Variants in SLC4A10 observed in about 807,000 individuals in gnomAD.
SLC4A10 encodes sodium-driven chloride bicarbonate exchanger.
Under a neutral mutation model 137.7 loss-of-function variants are expected in SLC4A10, and 42 were observed. The ratio of observed to expected loss-of-function variants is 0.30; its 90% CI spans 0.24 to 0.39. SLC4A10 has a LOEUF of 0.39. Among genes scored for constraint, SLC4A10 ranks in the 10% least tolerant of loss-of-function variants. The probability of loss-of-function intolerance (pLI) is 1.00; values close to 1 mark genes in which losing one functional copy is unlikely to be tolerated. For missense variants in SLC4A10, 925 were observed against 1,355.0 expected (o/e 0.68, Z 4.98); for synonymous variants, 474 against 464.1 (o/e 1.02, Z -0.27).
At chr2:161,683,579 T>A (rs1351942071) in intron 1 of SLC4A10, among the ~76,000 whole-genome samples, 1 of 152,174 alleles carries the variant, frequency 6.6e-6, no homozygotes, top group African/African-American at 2.4e-5. Context: ...TGTTCTTTTG[T>A]TGGTTGGTTG....
intron 1 of SLC4A10, among the ~76,000 whole-genome samples, chr2:161,660,615 T>TCTTTCTTC (rs1491570843): frequency 2.1e-5 from 3 of 145,476 alleles, no homozygotes; most frequent in Admixed American, 7.0e-5. Context: ...TTTCTTTCTT[T>TCTTTCTTC]CTTTCTTTCT....
At chr2:161,741,534 T>C (rs1211163612) in intron 1 of SLC4A10, among the ~76,000 whole-genome samples, 2 of 152,188 alleles carry the variant, frequency 1.3e-5, no homozygotes, top group Non-Finnish European at 2.9e-5. Context: ...ATGCTGTTTC[T>C]GTGAGTTTGA....
chr2:161,644,613 G>A (rs2035776415), intron 1 of SLC4A10, among the ~76,000 whole-genome samples: 2 of 152,128 alleles, frequency 1.3e-5, no homozygotes, highest in African/African-American at 4.8e-5. Flanking sequence ...GTAAATATTT[G>A]ATTATGTACA....
chr2:161,966,158 G>T (rs745322156), intron 23 of SLC4A10, among the ~76,000 whole-genome samples: 1 of 152,112 alleles, frequency 6.6e-6, no homozygotes, highest in Non-Finnish European at 1.5e-5. Flanking sequence ...TAAATCAAAT[G>T]AGGTTTTTTC....
intron 2 of SLC4A10, among the ~76,000 whole-genome samples, chr2:161,789,580 G>T (rs1437230777): frequency 6.6e-6 from 1 of 151,862 alleles, no homozygotes; most frequent in Non-Finnish European, 1.5e-5. Context: ...ATGTTACAAA[G>T]GCTACTATAT....
intron 1 of SLC4A10, among the ~76,000 whole-genome samples, chr2:161,757,668 T>C (rs2125338630): frequency 6.6e-6 from 1 of 152,262 alleles, no homozygotes; most frequent in African/African-American, 2.4e-5. Flanking sequence ...TTTCAGAGCT[T>C]TTCTTACTAC....
intron 1 of SLC4A10, among the ~76,000 whole-genome samples, chr2:161,644,527 A>T (rs1416071149): frequency 6.6e-6 from 1 of 152,064 alleles, no homozygotes; most frequent in African/African-American, 2.4e-5. Flanking sequence ...ATTGCTTCAC[A>T]TCGTGGTGAA....
In SLC4A10 at chr2:161,704,048, A is replaced by T. The variant is rs1459532856; in HGVS notation, c.49-66925A>T. The stretch of plus-strand genomic sequence containing the variant: ...GTAAATGTGAAAATATGGTAGTTTC[A>T]TCACTTCTCAAAAAAAGAGAAGTAG... On this transcript the variant is annotated intron_variant, in intron 1 of 26. Coordinates refer to ENST00000446997, the MANE Select transcript of SLC4A10 (RefSeq NM_001178015.2). Among the ~76,000 whole-genome samples the T allele has an allele frequency of 7.3e-5, 11 of 151,668 alleles. No individual in the cohort carries two copies. In the Admixed American group the frequency reaches 7.3e-4, roughly 10 times the overall value.
At chr2:161,881,673 A>T (rs2061792622) in intron 9 of SLC4A10, among the ~76,000 whole-genome samples, 1 of 152,060 alleles carries the variant, frequency 6.6e-6, no homozygotes, top group Non-Finnish European at 1.5e-5. Flanking sequence ...AGACAGGGCA[A>T]TTACCAGTCT....
In SLC4A10 at chr2:161,761,511, A is replaced by G. The variant is rs1319770678; in HGVS notation, c.49-9462A>G. 2.0e-5 allele frequency among the ~76,000 whole-genome samples: 3 copies of G among 152,078 alleles called. No homozygotes were observed. In the East Asian group the frequency reaches 5.8e-4, roughly 29 times the overall value. On this transcript the variant is annotated intron_variant, in intron 1 of 26. Coordinates refer to ENST00000446997, the MANE Select transcript of SLC4A10 (RefSeq NM_001178015.2). ...TGGGTACAAAATTGGATTCATAGGCAGAATGGAGGCTCCAGAAGGACCCTC... is the reference window on the plus strand; with the variant it reads ...TGGGTACAAAATTGGATTCATAGGCGGAATGGAGGCTCCAGAAGGACCCTC...
chr2:161,854,929 C>A, intron 4 of SLC4A10, 41 bp from the exon 5 acceptor site: 1 of 1,541,826 alleles, frequency 6.5e-7, no homozygotes, highest in Non-Finnish European at 8.8e-7. Context: ...CATTAACCTA[C>A]AATATAATAT....
chr2:161,954,089 G>A (rs1031033181), intron 19 of SLC4A10, among the ~76,000 whole-genome samples: 30 of 152,134 alleles, frequency 2.0e-4, no homozygotes, highest in Non-Finnish European at 2.8e-4. Flanking sequence ...TTAATAAACA[G>A]CAATACAATC....
intron 15 of SLC4A10, among the ~76,000 whole-genome samples, chr2:161,927,974 G>T (rs62188858): frequency 0.065 from 9,833 of 150,264 alleles, 333 homozygotes; most frequent in East Asian, 0.13. Context: ...CGATTCCTCA[G>T]GGATCTAGAA....
intron 1 of SLC4A10, among the ~76,000 whole-genome samples, chr2:161,661,067 A>C (rs536574742): frequency 1.3e-5 from 2 of 152,282 alleles, no homozygotes; most frequent in African/African-American, 4.8e-5. Flanking sequence ...ATTATAGCTT[A>C]ACGATTTTTA....
At chr2:161,939,345 A>G (rs1368221830) in intron 15 of SLC4A10, among the ~76,000 whole-genome samples, 3 of 151,958 alleles carry the variant, frequency 2.0e-5, no homozygotes, top group Admixed American at 6.6e-5. Flanking sequence ...AAAGTGCTGG[A>G]ATTACAGATG....
At chr2:161,925,982 A>G (rs1461524406) in intron 15 of SLC4A10, among the ~76,000 whole-genome samples, 1 of 152,038 alleles carries the variant, frequency 6.6e-6, no homozygotes, top group Non-Finnish European at 1.5e-5. Flanking sequence ...CTATGTGGTC[A>G]ATTTTGGAAT....
intron 2 of SLC4A10, among the ~76,000 whole-genome samples, chr2:161,782,616 A>G (rs62190661): frequency 0.072 from 10,939 of 151,284 alleles, 462 homozygotes; most frequent in East Asian, 0.15. Flanking sequence ...TTGCATGAAC[A>G]AAGTGAGAAT....
chr2:161,814,828 A>G (rs1051905551), intron 3 of SLC4A10, among the ~76,000 whole-genome samples: 12 of 152,172 alleles, frequency 7.9e-5, no homozygotes, highest in African/African-American at 2.6e-4. Context: ...TATACTGCCC[A>G]CTACTTGGGG....
At chr2:161,721,544 T>G (rs938081090) in intron 1 of SLC4A10, among the ~76,000 whole-genome samples, 2 of 152,184 alleles carry the variant, frequency 1.3e-5, no homozygotes, top group Non-Finnish European at 2.9e-5. Flanking sequence ...GGGTTTCCAC[T>G]GAGATGTTTG....
Sources: allele counts gnomAD v4.1 joint callset (sites outside exome capture counted in the v4.1 genomes callset), GRCh38; gene constraint gnomAD v4.1.1; transcripts MANE v1.5; gene names NCBI Gene and HGNC (gene_info 2026-07-23, HGNC 2026-07-21).